Variants in SHLD1 observed in about 807,000 individuals in gnomAD.
SHLD1 encodes shieldin complex subunit 1.
Under a neutral mutation model 5.5 loss-of-function variants are expected in SHLD1, and 3 were observed. That is an observed-to-expected ratio of 0.54 (90% confidence interval 0.25 to 1.40). The LOEUF (loss-of-function observed/expected upper bound fraction) is 1.40. Ranked by LOEUF, SHLD1 falls within the 40% of genes most tolerant of loss-of-function variation. SHLD1 has a pLI of 0.15. For synonymous variants in SHLD1, 92 were observed against 94.3 expected, an observed-to-expected ratio of 0.98 and a Z score of 0.14; for missense variants, 210 against 244.4, an observed-to-expected ratio of 0.86 and a Z score of 0.94.
At chr20:5,758,346 G>A in intron 1 of SHLD1, among the ~76,000 whole-genome samples, 1 of 132,276 alleles carries the variant, frequency 7.6e-6, no homozygotes, top group Non-Finnish European at 1.6e-5. Flanking sequence ...GGAAGGGAGG[G>A]GGAGGGGAAG....
At chr20:5,829,244 GA>G (rs996251714) in intron 2 of SHLD1, among the ~76,000 whole-genome samples, 2 of 152,018 alleles carry the variant, frequency 1.3e-5, no homozygotes, top group African/African-American at 4.8e-5. Flanking sequence ...TTAATAACAT[GA>G]AAAAAGATTA....
At chr20:5,799,279 C>T (rs1321358451) in intron 2 of SHLD1, among the ~76,000 whole-genome samples, 3 of 150,852 alleles carry the variant, frequency 2.0e-5, no homozygotes, top group South Asian at 2.1e-4. Flanking sequence ...CTCTCTCTCT[C>T]GCTCTCTCTC....
chr20:5,809,907 A>G lies in SHLD1; in HGVS notation c.178+36864A>G, dbSNP rs779000336. Among the ~76,000 whole-genome samples, 101 of 152,114 alleles carry G rather than the reference A, an allele frequency of 6.6e-4. 1 individual carries two copies. The highest frequency in any genetic ancestry group is 3.4e-3 in the Middle Eastern group (1 of 294). ...CAGTGATGTCACATACTGAGGTCTCATTGTTATTTCAGTTTTCTGGCATAT... is the reference window on the plus strand; with the variant it reads ...CAGTGATGTCACATACTGAGGTCTCGTTGTTATTTCAGTTTTCTGGCATAT... On this transcript the variant is annotated intron_variant, in intron 2 of 2. Coordinates refer to ENST00000303142, the MANE Select transcript of SHLD1 (RefSeq NM_152504.4).
At chr20:5,799,070 G>A (rs918099547) in intron 2 of SHLD1, among the ~76,000 whole-genome samples, 7 of 152,116 alleles carry the variant, frequency 4.6e-5, no homozygotes, top group Admixed American at 6.6e-5. Flanking sequence ...AGGCATGGTG[G>A]CGTTCACTTG....
chr20:5,761,450 A>C (rs528313547), intron 1 of SHLD1, among the ~76,000 whole-genome samples: 1 of 152,000 alleles, frequency 6.6e-6, no homozygotes, highest in Admixed American at 6.6e-5. Flanking sequence ...TGAAAGAAAC[A>C]AAATGGCCCC....
intron 2 of SHLD1, among the ~76,000 whole-genome samples, chr20:5,792,892 C>T (rs1332640745): frequency 6.6e-6 from 1 of 152,038 alleles, no homozygotes; most frequent in Non-Finnish European, 1.5e-5. Flanking sequence ...CCAGGCTGGT[C>T]TCGAACTCCC....
At chr20:5,828,013 T>C (rs1269746798) in intron 2 of SHLD1, among the ~76,000 whole-genome samples, 1 of 152,250 alleles carries the variant, frequency 6.6e-6, no homozygotes, top group Admixed American at 6.5e-5. Context: ...GATGCAAAGA[T>C]ACGATGAATA....
chr20:5,810,035 G>T (rs1343374264), intron 2 of SHLD1, among the ~76,000 whole-genome samples: 1 of 152,028 alleles, frequency 6.6e-6, no homozygotes, highest in African/African-American at 2.4e-5. Context: ...GAGGCAGGCA[G>T]ATCATGAAGT....
intron 2 of SHLD1, among the ~76,000 whole-genome samples, chr20:5,834,419 A>C (rs1402765067): frequency 6.6e-6 from 1 of 152,232 alleles, no homozygotes; most frequent in Non-Finnish European, 1.5e-5. Context: ...AAACTCATCC[A>C]GCTGGGTTAC....
chr20:5,752,541 A>G (rs1275916326), intron 1 of SHLD1, among the ~76,000 whole-genome samples: 1 of 152,128 alleles, frequency 6.6e-6, no homozygotes. Context: ...TACAGATGCA[A>G]ATTTCTGTTA....
intron 2 of SHLD1, among the ~76,000 whole-genome samples, chr20:5,861,065 C>T (rs2088156429): frequency 6.6e-6 from 1 of 152,220 alleles, no homozygotes; most frequent in Non-Finnish European, 1.5e-5. Context: ...GGCTGGGTCT[C>T]AGGCTGCTGA....
chr20:5,843,120 G>A (rs1313641327), intron 2 of SHLD1, among the ~76,000 whole-genome samples: 1 of 151,898 alleles, frequency 6.6e-6, no homozygotes, highest in East Asian at 1.9e-4. Flanking sequence ...TTTGGTGTTT[G>A]GTTGAAAGTA....
chr20:5,858,340 A>G (rs945906529), intron 2 of SHLD1, among the ~76,000 whole-genome samples: 1 of 152,128 alleles, frequency 6.6e-6, no homozygotes, highest in African/African-American at 2.4e-5. Flanking sequence ...CCTGCTGTGC[A>G]TTTATGAACC....
At chr20:5,842,022 A>G (rs2087868880) in intron 2 of SHLD1, among the ~76,000 whole-genome samples, 1 of 152,264 alleles carries the variant, frequency 6.6e-6, no homozygotes, top group Admixed American at 6.5e-5. Context: ...AAACCAACCT[A>G]GAACAACTTT....
At chr20:5,832,985 C>T (rs1363010903) in intron 2 of SHLD1, among the ~76,000 whole-genome samples, 1 of 152,064 alleles carries the variant, frequency 6.6e-6, no homozygotes, top group East Asian at 1.9e-4. Flanking sequence ...TGTGCTGTTG[C>T]TTACATTTCT....
chr20:5,860,596 T>A (rs558809034), intron 2 of SHLD1, among the ~76,000 whole-genome samples: 1 of 152,260 alleles, frequency 6.6e-6, no homozygotes, highest in South Asian at 2.1e-4. Context: ...AAAAAAGTTT[T>A]TTTTTGCATT....
intron 2 of SHLD1, among the ~76,000 whole-genome samples, chr20:5,854,006 A>ATT (rs758512977): frequency 4.4e-5 from 6 of 137,810 alleles, no homozygotes; most frequent in African/African-American, 5.3e-5. Context: ...TGCTCAGCTA[A>ATT]TTTTTTTTTT....
intron 2 of SHLD1, among the ~76,000 whole-genome samples, chr20:5,862,537 G>A (rs1333041484): frequency 6.6e-6 from 1 of 152,238 alleles, no homozygotes; most frequent in Non-Finnish European, 1.5e-5. Context: ...AGCTGGACTT[G>A]TCCAAGTTAT....
chr20:5,857,595 G>A (rs1048396033), intron 2 of SHLD1, among the ~76,000 whole-genome samples: 1 of 151,956 alleles, frequency 6.6e-6, no homozygotes, highest in African/African-American at 2.4e-5. Flanking sequence ...GATTACTTGA[G>A]CTAAGGAGTT....
Sources: gnomAD v4.1 joint callset for allele counts (sites outside exome capture counted in the v4.1 genomes callset) on GRCh38, gnomAD v4.1.1 for gene constraint, MANE v1.5 for transcripts, NCBI Gene and HGNC (gene_info 2026-07-23, HGNC 2026-07-21) for gene names.